Variants in PTPRR observed in about 807,000 individuals in gnomAD.
PTPRR encodes the protein receptor-type tyrosine-protein phosphatase R.
PTPRR carries 38 observed loss-of-function variants against 77.2 expected under a neutral mutation model. The observed-to-expected ratio is 0.49, with a 90% confidence interval of 0.38 to 0.65. The LOEUF (loss-of-function observed/expected upper bound fraction) is 0.65. Among genes scored for constraint, PTPRR ranks in the 30% least tolerant of loss-of-function variants. The pLI is 0.00. For missense variants in PTPRR, 744 were observed against 799.2 expected, an observed-to-expected ratio of 0.93 and a Z score of 0.83; for synonymous variants, 299 against 283.1, an observed-to-expected ratio of 1.06 and a Z score of -0.57.
At chr12:70,857,508 T>C (rs77590818) in intron 2 of PTPRR, among the ~76,000 whole-genome samples, 1 of 152,158 alleles carries the variant, frequency 6.6e-6, no homozygotes, top group African/African-American at 2.4e-5. Context: ...TATAATAGAA[T>C]ATAAAGTTTT....
chr12:70,890,935 CATT>C (rs1893324884), intron 2 of PTPRR, among the ~76,000 whole-genome samples: 1 of 152,036 alleles, frequency 6.6e-6, no homozygotes, highest in Admixed American at 6.6e-5. Flanking sequence ...GGAAGCTAAA[CATT>C]ATTGATTTAT....
intron 13 of PTPRR, among the ~76,000 whole-genome samples, chr12:70,646,882 T>G (rs549797992): frequency 6.6e-6 from 1 of 152,216 alleles, no homozygotes; most frequent in East Asian, 1.9e-4. Context: ...AAAAAATATG[T>G]TGGGGACATA....
intron 6 of PTPRR, among the ~76,000 whole-genome samples, chr12:70,730,934 C>G (rs945225392): frequency 7.9e-6 from 1 of 127,112 alleles, no homozygotes. Flanking sequence ...GAGAGAGAGA[C>G]AGAAGGAAGG....
chr12:70,797,856 G>A (rs1891543599), intron 2 of PTPRR, among the ~76,000 whole-genome samples: 1 of 151,906 alleles, frequency 6.6e-6, no homozygotes, highest in East Asian at 1.9e-4. Flanking sequence ...GATGCTTAGG[G>A]TTCCTGCCTG....
At chr12:70,668,278 AGAG>A (rs760628477) in intron 10 of PTPRR, among the ~76,000 whole-genome samples, 9 of 151,916 alleles carry the variant, frequency 5.9e-5, no homozygotes, top group African/African-American at 1.2e-4. Flanking sequence ...AAGAGGAGGA[AGAG>A]GAGGAGGAGG....
At chr12:70,907,117 C>T (rs147257216) in intron 1 of PTPRR, 1 of 152,266 alleles carries the variant, frequency 6.6e-6, no homozygotes, top group African/African-American at 2.4e-5. Context: ...ATAATTCTAC[C>T]AGGAAGTGTT....
At chr12:70,709,286 TTAA>T (rs1167809624) in intron 6 of PTPRR, among the ~76,000 whole-genome samples, 3 of 152,098 alleles carry the variant, frequency 2.0e-5, no homozygotes, top group African/African-American at 7.2e-5. Flanking sequence ...TTAAAAACTC[TTAA>T]TAAACTAGGT....
intron 2 of PTPRR, among the ~76,000 whole-genome samples, chr12:70,803,339 A>G (rs1284151034): frequency 1.3e-5 from 2 of 152,222 alleles, no homozygotes; most frequent in African/African-American, 2.4e-5. Flanking sequence ...GATCACAGAA[A>G]TAAAATTGCA....
intron 1 of PTPRR, among the ~76,000 whole-genome samples, chr12:70,897,060 T>C (rs141153877): frequency 0.033 from 5,025 of 151,898 alleles, 278 homozygotes; most frequent in African/African-American, 0.11. Context: ...CCTCCAGCTT[T>C]GTTCGTTTGG....
chr12:70,723,256 A>G (rs1168908718), intron 6 of PTPRR, among the ~76,000 whole-genome samples: 1 of 152,126 alleles, frequency 6.6e-6, no homozygotes, highest in Non-Finnish European at 1.5e-5. Flanking sequence ...CAGATAAGAG[A>G]CTTGGAAATT....
intron 2 of PTPRR, among the ~76,000 whole-genome samples, chr12:70,771,210 C>T (rs1191874985): frequency 6.6e-6 from 1 of 151,384 alleles, no homozygotes; most frequent in East Asian, 1.9e-4. Context: ...CACCATGGAA[C>T]ATTATGCAGC....
chr12:70,730,572 C>G (rs111878850), intron 6 of PTPRR, among the ~76,000 whole-genome samples: 1 of 151,592 alleles, frequency 6.6e-6, no homozygotes, highest in African/African-American at 2.4e-5. Flanking sequence ...GTGGCTCATG[C>G]GTGTAATTCT....
intron 2 of PTPRR, among the ~76,000 whole-genome samples, chr12:70,869,150 A>G (rs921279548): frequency 1.3e-5 from 2 of 152,040 alleles, no homozygotes; most frequent in Admixed American, 1.3e-4. Flanking sequence ...AAACCTGCAC[A>G]TTGTGCACTT....
At chr12:70,830,328 G>C (rs1342964955) in intron 2 of PTPRR, among the ~76,000 whole-genome samples, 1 of 152,144 alleles carries the variant, frequency 6.6e-6, no homozygotes, top group Admixed American at 6.5e-5. Context: ...TGTCCACAGG[G>C]AGTTCTGCTC....
chr12:70,705,628 T>G (rs565443360), intron 6 of PTPRR, among the ~76,000 whole-genome samples: 19 of 152,182 alleles, frequency 1.2e-4, no homozygotes, highest in African/African-American at 4.6e-4. Flanking sequence ...CTGCTTATCT[T>G]GAAATACTTG....
Position 70,892,610 on chromosome 12 carries a change from C to G in PTPRR, c.357+69G>C, listed in dbSNP as rs1310245772. On this transcript the variant is annotated intron_variant, in intron 2 of 13. Coordinates refer to ENST00000283228, the MANE Select transcript of PTPRR (RefSeq NM_002849.4). ...ATAACTATTCACAATCAGTGTTTTT[C>G]TTTTTTCAAGCATCAATGACAGGAA... 9 of 1,546,566 alleles carry G rather than the reference C, an allele frequency of 5.8e-6. No homozygotes were observed. In the Admixed American group the frequency reaches 8.9e-5, roughly 15 times the overall value.
intron 2 of PTPRR, among the ~76,000 whole-genome samples, chr12:70,802,474 G>T (rs1432416624): frequency 1.3e-5 from 2 of 152,128 alleles, no homozygotes; most frequent in African/African-American, 4.8e-5. Flanking sequence ...AATAATAATG[G>T]CAATGACAGG....
At chr12:70,693,653 T>C (rs1394832309) in intron 8 of PTPRR, among the ~76,000 whole-genome samples, 3 of 151,628 alleles carry the variant, frequency 2.0e-5, no homozygotes, top group Non-Finnish European at 4.4e-5. Context: ...TATAACTGAG[T>C]ATGGGGAAAT....
At chr12:70,839,751 A>G (rs2470373) in intron 2 of PTPRR, among the ~76,000 whole-genome samples, 103,244 of 152,030 alleles carry the variant, frequency 0.68, 36,307 homozygotes, top group African/African-American at 0.87. Flanking sequence ...GGCTGCTTGT[A>G]TTCACATGCG....
Sources: gnomAD v4.1 joint callset for allele counts (sites outside exome capture counted in the v4.1 genomes callset) on GRCh38, gnomAD v4.1.1 for gene constraint, MANE v1.5 for transcripts, NCBI Gene and HGNC (gene_info 2026-07-23, HGNC 2026-07-21) for gene names.